Variants in DENND1A observed in about 807,000 individuals in gnomAD.
The protein encoded by DENND1A is DENN domain-containing protein 1A.
DENND1A carries 51 observed loss-of-function variants against 113.7 expected under a neutral mutation model. That is an observed-to-expected ratio of 0.45 (90% CI 0.36 to 0.57). The LOEUF is 0.57. Among genes scored for constraint, DENND1A ranks in the 20% least tolerant of loss-of-function variants. The pLI is 0.00. For synonymous variants in DENND1A, 565 were observed against 570.8 expected, an observed-to-expected ratio of 0.99 and a Z score of 0.14; for missense variants, 1,258 against 1,395.9, an observed-to-expected ratio of 0.90 and a Z score of 1.57.
intron 1 of DENND1A, among the ~76,000 whole-genome samples, chr9:123,888,607 TC>T (rs1294329591): frequency 6.6e-6 from 1 of 152,118 alleles, no homozygotes; most frequent in Non-Finnish European, 1.5e-5. Flanking sequence ...TGAAGAAACA[TC>T]AGACAAAACC....
chr9:123,903,463 G>C (rs1852110766), intron 1 of DENND1A, among the ~76,000 whole-genome samples: 1 of 152,044 alleles, frequency 6.6e-6, no homozygotes, highest in African/African-American at 2.4e-5. Flanking sequence ...TGAGGTACCG[G>C]GTTGATCTCA....
intron 2 of DENND1A, among the ~76,000 whole-genome samples, chr9:123,839,098 T>G (rs1841461303): frequency 6.6e-6 from 1 of 152,122 alleles, no homozygotes; most frequent in South Asian, 2.1e-4. Context: ...CGAATCGACC[T>G]TGGGTACAGA....
chr9:123,852,720 C>G (rs368198159), intron 2 of DENND1A, among the ~76,000 whole-genome samples: 1 of 152,256 alleles, frequency 6.6e-6, no homozygotes, highest in African/African-American at 2.4e-5. Flanking sequence ...TTATCCACCA[C>G]AGCAGCAGAG....
chr9:123,897,945 GA>G (rs745985411), intron 1 of DENND1A, among the ~76,000 whole-genome samples: 3,537 of 113,728 alleles, frequency 0.031, 129 homozygotes, highest in African/African-American at 0.1. Flanking sequence ...GTCTCAAGCG[GA>G]AAAAAAAAAA....
chr9:123,568,238 T>C (rs548816554), intron 12 of DENND1A, among the ~76,000 whole-genome samples: 5 of 152,360 alleles, frequency 3.3e-5, no homozygotes, highest in Non-Finnish European at 7.3e-5. Flanking sequence ...GAGTTCAAAT[T>C]CTGGCTCTCC....
intron 18 of DENND1A, among the ~76,000 whole-genome samples, chr9:123,442,749 T>C (rs896049021): frequency 1.3e-5 from 2 of 152,218 alleles, no homozygotes; most frequent in African/African-American, 4.8e-5. Context: ...GTAAAAATAC[T>C]ATCGTCTAGT....
chr9:123,522,526 A>G (rs2054479574), intron 13 of DENND1A, among the ~76,000 whole-genome samples: 1 of 152,202 alleles, frequency 6.6e-6, no homozygotes, highest in Non-Finnish European at 1.5e-5. Flanking sequence ...AACACTTGAA[A>G]AAGACCCTCT....
chr9:123,540,474 C>A (rs1270520441), intron 13 of DENND1A, among the ~76,000 whole-genome samples: 1 of 152,176 alleles, frequency 6.6e-6, no homozygotes, highest in Non-Finnish European at 1.5e-5. Context: ...ATTAGACTGT[C>A]TTGGTGAGTC....
chr9:123,605,276 T>C (rs2060105015), intron 11 of DENND1A, among the ~76,000 whole-genome samples: 1 of 152,038 alleles, frequency 6.6e-6, no homozygotes, highest in African/African-American at 2.4e-5. Flanking sequence ...CTGAGGTCTG[T>C]ACACAAAGCA....
At chr9:123,657,692 C>G (rs1210044892) in intron 8 of DENND1A, among the ~76,000 whole-genome samples, 1 of 151,978 alleles carries the variant, frequency 6.6e-6, no homozygotes, top group Non-Finnish European at 1.5e-5. Context: ...GTCAGTGGGT[C>G]TTGTTTACTG....
intron 12 of DENND1A, among the ~76,000 whole-genome samples, chr9:123,570,292 C>T: frequency 6.6e-6 from 1 of 152,290 alleles, no homozygotes; most frequent in East Asian, 1.9e-4. Flanking sequence ...CATCCAGAGT[C>T]TCCTGTGTAT....
At chr9:123,389,007 CAG>C (rs1564403632) in intron 21 of DENND1A, among the ~76,000 whole-genome samples, 1 of 152,252 alleles carries the variant, frequency 6.6e-6, no homozygotes. Flanking sequence ...CCTCACCCCC[CAG>C]CCCCCAGCTA....
chr9:123,694,319 C>A (rs944432031), intron 5 of DENND1A, among the ~76,000 whole-genome samples: 1 of 152,142 alleles, frequency 6.6e-6, no homozygotes, highest in Non-Finnish European at 1.5e-5. Context: ...CAAGGGTTTG[C>A]TCCTTGAAAA....
At chr9:123,902,476 T>C (rs1318523248) in intron 1 of DENND1A, among the ~76,000 whole-genome samples, 1 of 152,150 alleles carries the variant, frequency 6.6e-6, no homozygotes, top group African/African-American at 2.4e-5. Context: ...GCCACAGATC[T>C]GAGAAGGGGA....
chr9:123,635,457 A>T (rs186716526), intron 9 of DENND1A, among the ~76,000 whole-genome samples: 4 of 152,366 alleles, frequency 2.6e-5, no homozygotes, highest in African/African-American at 9.6e-5. Flanking sequence ...TCCACAATGC[A>T]TAATAAACTC....
intron 22 of DENND1A, among the ~76,000 whole-genome samples, chr9:123,385,327 C>T (rs944058169): frequency 6.6e-6 from 1 of 152,146 alleles, no homozygotes; most frequent in African/African-American, 2.4e-5. Flanking sequence ...TTTTGCCTGG[C>T]TAATTTTTTG....
chr9:123,852,351 T>A (rs1244693602), intron 2 of DENND1A, among the ~76,000 whole-genome samples: 1 of 152,132 alleles, frequency 6.6e-6, no homozygotes, highest in African/African-American at 2.4e-5. Context: ...ATACACAGAT[T>A]TCCATAGCAA....
chr9:123,477,017 T>C (rs1174324604), intron 13 of DENND1A, among the ~76,000 whole-genome samples: 1 of 152,178 alleles, frequency 6.6e-6, no homozygotes, highest in Non-Finnish European at 1.5e-5. Context: ...ATTAGGCCCC[T>C]TGGCACAGGC....
At chr9:123,797,561 C>T (rs1329206446) in intron 2 of DENND1A, among the ~76,000 whole-genome samples, 1 of 152,090 alleles carries the variant, frequency 6.6e-6, no homozygotes, top group Non-Finnish European at 1.5e-5. Flanking sequence ...AACTGGACTG[C>T]ATTAAATATA....
Sources: allele counts gnomAD v4.1 joint callset (sites outside exome capture counted in the v4.1 genomes callset), GRCh38; gene constraint gnomAD v4.1.1; transcripts MANE v1.5; gene names NCBI Gene and HGNC (gene_info 2026-07-23, HGNC 2026-07-21).